The following NCKAP5 variants were observed in gnomAD, a reference collection of about 807,000 sequenced individuals.
NCKAP5 encodes the protein nck-associated protein 5.
NCKAP5 carries 92 observed loss-of-function variants against 167.0 expected under a neutral mutation model. The ratio of observed to expected loss-of-function variants is 0.55; its 90% CI spans 0.47 to 0.66. The LOEUF (loss-of-function observed/expected upper bound fraction) is 0.66, where lower values mean the gene tolerates loss of function less well. Ranked by LOEUF, NCKAP5 falls within the 30% of genes least tolerant of loss-of-function variation. The pLI, the probability that NCKAP5 is intolerant of heterozygous loss-of-function variation, is 0.00. For missense variants in NCKAP5, 2,378 were observed against 2,315.0 expected (o/e 1.03, Z -0.56); for synonymous variants, 891 against 877.4 (o/e 1.02, Z -0.27).
intron 11 of NCKAP5, among the ~76,000 whole-genome samples, chr2:132,833,966 A>C (rs1373094085): frequency 6.6e-6 from 1 of 152,156 alleles, no homozygotes; most frequent in Non-Finnish European, 1.5e-5. Context: ...TTTTAATGAT[A>C]TTAATTCTGC....
At chr2:133,373,536 G>C (rs1461841463) in intron 3 of NCKAP5, among the ~76,000 whole-genome samples, 1 of 152,198 alleles carries the variant, frequency 6.6e-6, no homozygotes, top group African/African-American at 2.4e-5. Flanking sequence ...ATCCCAGCAA[G>C]TTATTTTGTG....
intron 9 of NCKAP5, among the ~76,000 whole-genome samples, chr2:132,876,388 G>A (rs1456245284): frequency 6.6e-6 from 1 of 152,112 alleles, no homozygotes; most frequent in East Asian, 1.9e-4. Flanking sequence ...ATAAGCCACT[G>A]TGCCTGTCTG....
intron 5 of NCKAP5, among the ~76,000 whole-genome samples, chr2:133,197,096 T>C (rs931697049): frequency 6.6e-6 from 1 of 152,186 alleles, no homozygotes; most frequent in Non-Finnish European, 1.5e-5. Context: ...TCCAGCTTTC[T>C]AGATAAAAGA....
intron 3 of NCKAP5, among the ~76,000 whole-genome samples, chr2:133,489,479 G>T (rs1681248512): frequency 6.6e-6 from 1 of 152,150 alleles, no homozygotes; most frequent in South Asian, 2.1e-4. Context: ...TGGAAGCAAG[G>T]CTTTGATAGA....
the NCKAP5 span, among the ~76,000 whole-genome samples, chr2:133,573,728 C>A: frequency 6.6e-6 from 1 of 152,160 alleles, no homozygotes; most frequent in Non-Finnish European, 1.5e-5. Context: ...ACATTTTTAA[C>A]TTCTTTGCTT....
At chr2:133,134,316 T>C (rs146929681) in intron 5 of NCKAP5, among the ~76,000 whole-genome samples, 8 of 152,360 alleles carry the variant, frequency 5.3e-5, no homozygotes, top group Admixed American at 2.6e-4. Context: ...TTTATTGTAG[T>C]ATTTATGTAT....
chr2:132,941,861 A>G (rs1290919121), intron 8 of NCKAP5, among the ~76,000 whole-genome samples: 1 of 152,232 alleles, frequency 6.6e-6, no homozygotes, highest in Non-Finnish European at 1.5e-5. Context: ...TTGTAGTTCT[A>G]TATCATGTAG....
At chr2:133,674,279 G>A in the NCKAP5 span, among the ~76,000 whole-genome samples, 12 of 152,060 alleles carry the variant, frequency 7.9e-5, no homozygotes, top group East Asian at 1.2e-3. Flanking sequence ...CATAGTGTGC[G>A]GCTGGCTGCG....
At chr2:133,617,835 C>T in the NCKAP5 span, among the ~76,000 whole-genome samples, 13 of 150,434 alleles carry the variant, frequency 8.6e-5, no homozygotes, top group South Asian at 8.4e-4. Flanking sequence ...AAAAAGAGCC[C>T]GCATCGCCAA....
chr2:133,587,899 C>T, the NCKAP5 span, among the ~76,000 whole-genome samples: 1 of 152,206 alleles, frequency 6.6e-6, no homozygotes, highest in Non-Finnish European at 1.5e-5. Context: ...TATCGCCTGA[C>T]AAGACTTTCC....
intron 5 of NCKAP5, among the ~76,000 whole-genome samples, chr2:133,195,987 AG>A (rs1243928580): frequency 2.0e-5 from 3 of 152,158 alleles, no homozygotes; most frequent in Non-Finnish European, 4.4e-5. Context: ...AGCACCCACA[AG>A]GAAATAAAGA....
the NCKAP5 span, among the ~76,000 whole-genome samples, chr2:133,639,752 T>C: frequency 6.6e-6 from 1 of 152,074 alleles, no homozygotes; most frequent in African/African-American, 2.4e-5. Context: ...GTGCAGACCA[T>C]CCAGGTATAT....
the NCKAP5 span, among the ~76,000 whole-genome samples, chr2:133,617,114 A>G: frequency 6.6e-6 from 1 of 152,218 alleles, no homozygotes; most frequent in Non-Finnish European, 1.5e-5. Context: ...CCTTCATGCT[A>G]AAAACTCTCA....
rs115681258 is a variant in NCKAP5 at position 132,861,912 on chromosome 2, A to G, written c.688-1301T>C. On this transcript the variant is annotated intron_variant, in intron 10 of 19. Transcript: ENST00000409261. ...ATTGCTCTTACATTGTTTTTATTCC[A>G]TCACCTAGCACAATGCCACACATAG... Among the ~76,000 whole-genome samples the G allele has an allele frequency of 8.9e-3, 1,358 of 152,362 alleles. 22 individuals are homozygous for G. Among genetic ancestry groups the G allele is most frequent in the African/African-American group, 0.031 (1,272 of 41,580 alleles).
intron 19 of NCKAP5, among the ~76,000 whole-genome samples, chr2:132,722,858 C>T (rs981653499): frequency 6.6e-5 from 10 of 152,058 alleles, no homozygotes; most frequent in Non-Finnish European, 1.5e-4. Flanking sequence ...CTGTGTCACC[C>T]AGGCTGTACT....
chr2:133,186,610 C>T (rs1303933566), intron 5 of NCKAP5, among the ~76,000 whole-genome samples: 2 of 151,892 alleles, frequency 1.3e-5, no homozygotes, highest in East Asian at 3.9e-4. Flanking sequence ...AGATTTTTTA[C>T]CACTGATTCA....
At chr2:132,728,007 G>A (rs1690631708) in intron 18 of NCKAP5, among the ~76,000 whole-genome samples, 1 of 152,164 alleles carries the variant, frequency 6.6e-6, no homozygotes, top group Non-Finnish European at 1.5e-5. Flanking sequence ...ACCAGACCTG[G>A]GAAAGCCAAG....
At chr2:133,175,147 T>A (rs903239154) in intron 5 of NCKAP5, among the ~76,000 whole-genome samples, 1 of 152,192 alleles carries the variant, frequency 6.6e-6, no homozygotes, top group African/African-American at 2.4e-5. Flanking sequence ...CCAGGGGTCA[T>A]CTGTATATAA....
intron 6 of NCKAP5, among the ~76,000 whole-genome samples, chr2:133,037,618 C>G (rs567782495): frequency 1.3e-5 from 2 of 152,264 alleles, no homozygotes; most frequent in South Asian, 4.1e-4. Context: ...AAACTAGATT[C>G]CTATCTTTCA....
Sources: allele counts gnomAD v4.1 joint callset (sites outside exome capture counted in the v4.1 genomes callset), GRCh38; gene constraint gnomAD v4.1.1; transcripts MANE v1.5; gene names NCBI Gene and HGNC (gene_info 2026-07-23, HGNC 2026-07-21).